Variants in KIAA0586 observed in about 807,000 individuals in gnomAD.
KIAA0586 encodes the protein protein TALPID3.
A neutral mutation model predicts 169.8 loss-of-function variants in KIAA0586; 144 were observed. The observed-to-expected ratio is 0.85, with a 90% CI of 0.74 to 0.97. The LOEUF (loss-of-function observed/expected upper bound fraction) is 0.97. KIAA0586 is among the 50% of genes least tolerant of loss of function. The pLI is 0.00. For synonymous variants in KIAA0586, 625 were observed against 612.4 expected (o/e 1.02, Z -0.30); for missense variants, 1,854 against 1,823.0 (o/e 1.02, Z -0.31).
intron 27 of KIAA0586, among the ~76,000 whole-genome samples, chr14:58,502,863 A>G (rs1291284822): frequency 6.6e-6 from 1 of 152,224 alleles, no homozygotes; most frequent in African/African-American, 2.4e-5. Context: ...ATGAGAATCA[A>G]CTATATATGC....
intron 14 of KIAA0586, chr14:58,463,830 A>AG (rs2040521910): frequency 3.8e-6 from 1 of 260,182 alleles, no homozygotes; most frequent in Admixed American, 5.4e-5. Flanking sequence ...TGTCTCTAAA[A>AG]AAAAAAAAAT....
At chr14:58,511,207 A>T (rs2044359431) in intron 28 of KIAA0586, among the ~76,000 whole-genome samples, 2 of 152,188 alleles carry the variant, frequency 1.3e-5, no homozygotes, top group African/African-American at 4.8e-5. Context: ...TTTAGAATAA[A>T]ACTATAAAGT....
chr14:58,493,492 A>T (rs1288937100), intron 26 of KIAA0586, among the ~76,000 whole-genome samples: 1 of 152,182 alleles, frequency 6.6e-6, no homozygotes, highest in Non-Finnish European at 1.5e-5. Flanking sequence ...TTGTCTTCGC[A>T]TGAACAAATG....
At chr14:58,529,230 A>G (rs2045797685) in intron 29 of KIAA0586, among the ~76,000 whole-genome samples, 1 of 152,204 alleles carries the variant, frequency 6.6e-6, no homozygotes, top group Non-Finnish European at 1.5e-5. Context: ...ACCAACCAAA[A>G]AAAGCCCAGG....
At chr14:58,444,891 A>T (rs991204883) in intron 6 of KIAA0586, among the ~76,000 whole-genome samples, 15 of 134,942 alleles carry the variant, frequency 1.1e-4, no homozygotes, top group Admixed American at 1.1e-3. Context: ...AGCCTGGTTG[A>T]TGTAGCAAGA....
intron 3 of KIAA0586, among the ~76,000 whole-genome samples, chr14:58,431,586 GT>G (rs1367983237): frequency 1.3e-5 from 2 of 152,136 alleles, no homozygotes; most frequent in Non-Finnish European, 2.9e-5. Flanking sequence ...TTTTAAAATA[GT>G]TTTTTCTAAT....
chr14:58,538,385 T>C (rs1230175688), intron 29 of KIAA0586, among the ~76,000 whole-genome samples: 2 of 152,190 alleles, frequency 1.3e-5, no homozygotes, highest in Non-Finnish European at 2.9e-5. Flanking sequence ...CATTTAAATA[T>C]CTTCTTATAA....
chr14:58,487,925 A>G lies in KIAA0586; in HGVS notation c.3343A>G (p.Thr1115Ala), dbSNP rs773967297. Residue 1115 changes from threonine to alanine, a missense_variant, in exon 23 of 31, where the codon ACA becomes GCA. By Grantham distance (58) the Thr-to-Ala change is moderately conservative (BLOSUM62 0). Coordinates refer to ENST00000652326, the MANE Select transcript of KIAA0586 (RefSeq NM_001329943.3). Reference sequence around the variant, plus strand: ...TGCCATCATGCTTGTTAATACTCCAACAGTTACCCCTACTACTACACCTCC... The same window carrying G: ...TGCCATCATGCTTGTTAATACTCCAGCAGTTACCCCTACTACTACACCTCC... ...MPAIMLVNTP[T>A]VTPTTTPPPA... The G allele has an allele frequency of 2.0e-5, 32 of 1,613,660 alleles. No homozygotes were observed. The East Asian group carries it at 3.1e-4, about 16-fold the overall frequency.
intron 20 of KIAA0586, 76 bp from the exon 21 acceptor site, chr14:58,482,431 AAATAAT>A (rs1297271742): frequency 9.3e-7 from 1 of 1,070,402 alleles, no homozygotes; most frequent in Non-Finnish European, 1.3e-6. Context: ...GTCTCGAGAA[AAATAAT>A]AATAATAATA....
intron 14 of KIAA0586, among the ~76,000 whole-genome samples, chr14:58,462,586 T>G (rs1307568487): frequency 6.6e-6 from 1 of 151,978 alleles, no homozygotes; most frequent in African/African-American, 2.4e-5. Flanking sequence ...ATATGGGGGG[T>G]TTTGAAAGTC....
chr14:58,543,126 C>G (rs1188503825), intron 30 of KIAA0586, among the ~76,000 whole-genome samples: 2 of 95,432 alleles, frequency 2.1e-5, no homozygotes, highest in African/African-American at 1.1e-4. Flanking sequence ...AACGAGATTA[C>G]GTCTCAAAAA....
chr14:58,531,347 TAAATAAA>T lies in KIAA0586; in HGVS notation c.4430-8713_4430-8707del, dbSNP rs1341286711. Among the ~76,000 whole-genome samples, 10 of 144,924 alleles carry T rather than the reference TAAATAAA, an allele frequency of 6.9e-5. No individual in the cohort carries two copies. The East Asian group carries it at 1.4e-3, about 20-fold the overall frequency. On this transcript the variant is annotated intron_variant, in intron 29 of 30. Coordinates refer to ENST00000652326, the MANE Select transcript of KIAA0586 (RefSeq NM_001329943.3). ...GTCTCAAAAAAAAAAAAAAATAAAA[TAAATAAA>T]AAATAAAAAAAAATTGGGCAAAGGA...
At position 58,474,549 on chromosome 14, in the gene KIAA0586, A is replaced by G. The variant is rs2041458874; in HGVS notation, c.2635-58A>G. The G allele has an allele frequency of 7.5e-6, 9 of 1,206,760 alleles. No homozygotes were observed. The East Asian group carries it at 2.3e-4, about 31-fold the overall frequency. 74.8% of individuals were successfully genotyped at this position (1,206,760 alleles called of 1,614,324 possible). On this transcript the variant is annotated intron_variant, in intron 18 of 30. Coordinates refer to ENST00000652326, the MANE Select transcript of KIAA0586 (RefSeq NM_001329943.3). ...ACCTAGTTCCTTGCCTATAGTTGGT[A>G]CTCAGTAAATGTTGAACAAATACAT... is the stretch of plus-strand genomic sequence containing the variant.
chr14:58,479,210 G>C (rs1246073932), intron 20 of KIAA0586, among the ~76,000 whole-genome samples: 1 of 152,174 alleles, frequency 6.6e-6, no homozygotes, highest in African/African-American at 2.4e-5. Flanking sequence ...TATAATTCTA[G>C]CCATTTCTGA....
At chr14:58,480,004 A>G (rs769766066) in intron 20 of KIAA0586, among the ~76,000 whole-genome samples, 1 of 151,760 alleles carries the variant, frequency 6.6e-6, no homozygotes, top group Admixed American at 6.6e-5. Context: ...CCTGTTTATC[A>G]TTATCTCTAC....
intron 27 of KIAA0586, among the ~76,000 whole-genome samples, chr14:58,502,600 A>G (rs1319758626): frequency 6.6e-6 from 1 of 152,154 alleles, no homozygotes; most frequent in African/African-American, 2.4e-5. Context: ...TGGAGGTAAT[A>G]GTGTCTATCT....
Position 58,548,198 on chromosome 14 carries a change from A to G in KIAA0586, c.*266A>G, listed in dbSNP as rs2047099900. On this transcript the variant is annotated 3_prime_UTR_variant, in exon 31 of 31. Transcript: ENST00000652326. ...TGAAAGGGCATGGCTTTTGACATCT[A>G]GGCATTTAATCTATAGGTGTAATTA... 2.9e-6 allele frequency: 1 copy of G among 346,342 alleles called. No individual in the cohort carries two copies. Among genetic ancestry groups the G allele is most frequent in the Non-Finnish European group, 5.2e-6 (1 of 193,312 alleles). 21.5% of individuals were successfully genotyped at this position (346,342 alleles called of 1,614,324 possible). A position where few individuals can be genotyped will look rare whatever the true frequency, so the allele number is the denominator to read the frequency against.
intron 29 of KIAA0586, among the ~76,000 whole-genome samples, chr14:58,518,531 C>T (rs2044936073): frequency 6.6e-6 from 1 of 152,176 alleles, no homozygotes; most frequent in African/African-American, 2.4e-5. Flanking sequence ...ACTGTCAGCT[C>T]AAAAACTTGT....
chr14:58,430,540 C>T (rs1262751636), intron 2 of KIAA0586, 108 bp from the exon 3 acceptor site: 2 of 607,064 alleles, frequency 3.3e-6, no homozygotes, highest in African/African-American at 1.9e-5. Context: ...ATGAAATACA[C>T]AGTCCTGCCC....
Sources: allele counts gnomAD v4.1 joint callset (sites outside exome capture counted in the v4.1 genomes callset), GRCh38; gene constraint gnomAD v4.1.1; transcripts MANE v1.5; gene names NCBI Gene and HGNC (gene_info 2026-07-23, HGNC 2026-07-21).